The following SNRPF variants were observed in gnomAD, a reference collection of about 807,000 sequenced individuals.
SNRPF encodes small nuclear ribonucleoprotein F.
In SNRPF, 1 loss-of-function variant was observed where a neutral mutation model predicts 13.4. That is an observed-to-expected ratio of 0.07 (90% CI 0.03 to 0.35). SNRPF has a LOEUF of 0.35. Ranked by LOEUF, SNRPF falls within the 10% of genes least tolerant of loss-of-function variation. SNRPF has a pLI of 0.99. For missense variants in SNRPF, 53 were observed against 101.0 expected (o/e 0.52, Z 2.04); for synonymous variants, 27 against 32.1 (o/e 0.84, Z 0.54).
At chr12:95,859,184 G>T in intron 1 of SNRPF, 108 bp downstream of exon 1, 1 of 998,410 alleles carries the variant, frequency 1.0e-6, no homozygotes, top group Non-Finnish European at 1.6e-6. Flanking sequence ...TCCGCGTGAG[G>T]CGCCGCGCAC....
At chr12:95,864,587 C>T (rs1342864622) in intron 2 of SNRPF, among the ~76,000 whole-genome samples, 2 of 152,156 alleles carry the variant, frequency 1.3e-5, no homozygotes, top group African/African-American at 4.8e-5. Context: ...TTGTTTTTCC[C>T]TGTTTATTAG....
At chr12:95,860,852 C>CTTTTTTTT (rs10689270) in intron 1 of SNRPF, among the ~76,000 whole-genome samples, 39 of 96,546 alleles carry the variant, frequency 4.0e-4, no homozygotes, top group Middle Eastern at 6.6e-3. Flanking sequence ...ACCTGGCCCG[C>CTTTTTTTT]TTTTTTTTTT....
Position 95,866,118 on chromosome 12 carries a change from GATTT to G in SNRPF, c.*48_*51del. ...TTTATATATATTTCTAGACAATAAA[GATTT>G]GTTTGTTTTTCAACTTGACTTGTGA... On this transcript the variant is annotated 3_prime_UTR_variant, in exon 4 of 4. Transcript: ENST00000266735. 8.4e-6 allele frequency: 8 copies of G among 950,696 alleles called. No individual in the cohort carries two copies. The highest frequency in any genetic ancestry group is 1.3e-5 in the Non-Finnish European group (8 of 622,360). The allele number at this position is 950,696 out of a possible 1,614,324, so 58.9% of individuals were successfully genotyped here.
At chr12:95,859,224 T>G in intron 1 of SNRPF, 148 bp downstream of exon 1, 2 of 617,856 alleles carry the variant, frequency 3.2e-6, no homozygotes. Flanking sequence ...ACTCTGCTTT[T>G]AGGTTTCTGA....
At chr12:95,864,680 G>C (rs549407680) in intron 2 of SNRPF, among the ~76,000 whole-genome samples, 1 of 152,352 alleles carries the variant, frequency 6.6e-6, no homozygotes, top group South Asian at 2.1e-4. Context: ...CAAGGCAGGA[G>C]GATCACTTGA....
rs1311185860 is a variant in SNRPF at position 95,866,075 on chromosome 12, C to A, written c.*4C>A. 4 of 1,422,658 alleles carry A rather than the reference C, an allele frequency of 2.8e-6. No homozygotes were observed. In the South Asian group the frequency reaches 4.9e-5, roughly 17 times the overall value. The allele number at this position is 1,422,658 out of a possible 1,614,324, so 88.1% of individuals were successfully genotyped here. A position where few individuals can be genotyped will look rare whatever the true frequency, so the allele number is the denominator to read the frequency against. Reference sequence around the variant, plus strand: ...AGATGGGGAAATGAGAGAATAGCATCTTTTGTGGGGGATTTTTTTTATATA... The same window carrying A: ...AGATGGGGAAATGAGAGAATAGCATATTTTGTGGGGGATTTTTTTTATATA... On this transcript the variant is annotated 3_prime_UTR_variant, in exon 4 of 4. Transcript: ENST00000266735.
Position 95,866,075 on chromosome 12 carries a change from C to T in SNRPF, c.*4C>T. On this transcript the variant is annotated 3_prime_UTR_variant, in exon 4 of 4. Transcript: ENST00000266735. ...AGATGGGGAAATGAGAGAATAGCATCTTTTGTGGGGGATTTTTTTTATATA... is the reference window on the plus strand; with the variant it reads ...AGATGGGGAAATGAGAGAATAGCATTTTTTGTGGGGGATTTTTTTTATATA... The T allele has an allele frequency of 1.4e-6, 2 of 1,422,658 alleles. No homozygotes were observed. Among genetic ancestry groups the T allele is most frequent in the African/African-American group, 2.9e-5 (2 of 69,210 alleles). The allele number at this position is 1,422,658 out of a possible 1,614,324, so 88.1% of individuals were successfully genotyped here.
intron 2 of SNRPF, among the ~76,000 whole-genome samples, chr12:95,863,336 T>C (rs535654846): frequency 9.8e-5 from 15 of 152,364 alleles, no homozygotes; most frequent in African/African-American, 3.4e-4. Flanking sequence ...TTGAATATAC[T>C]GAAAACCACT....
intron 1 of SNRPF, 92 bp downstream of exon 1, chr12:95,859,168 C>T (rs2079481191): frequency 8.5e-7 from 1 of 1,177,180 alleles, no homozygotes; most frequent in African/African-American, 1.5e-5. Flanking sequence ...GCGCGTTTCC[C>T]ATTCATCCGC....
chr12:95,860,692 G>C (rs1218087344), intron 1 of SNRPF, among the ~76,000 whole-genome samples: 1 of 151,906 alleles, frequency 6.6e-6, no homozygotes, highest in African/African-American at 2.4e-5. Context: ...CTAGTAGCTG[G>C]GACTACAGGT....
intron 2 of SNRPF, among the ~76,000 whole-genome samples, chr12:95,862,877 T>C (rs1471246137): frequency 1.3e-5 from 2 of 152,228 alleles, no homozygotes; most frequent in Non-Finnish European, 2.9e-5. Context: ...GGTATCTTAT[T>C]GTGGTTTTGA....
In SNRPF at chr12:95,865,344, C is replaced by T. The variant is rs965883301; in HGVS notation, c.150C>T (p.Tyr50=). The T allele has an allele frequency of 1.3e-6, 2 of 1,560,132 alleles. No homozygotes were observed. Among genetic ancestry groups the T allele is most frequent in the African/African-American group, 2.7e-5 (2 of 73,874 alleles). The part of the protein sequence containing the change: ...MNMQLANTEE[Y]IDGALSGHLG... Reference sequence around the variant, plus strand: ...GAAAGCTTGCAAATACAGAAGAATACATAGATGGAGCTTTGTCTGGACATC... The same window carrying T: ...GAAAGCTTGCAAATACAGAAGAATATATAGATGGAGCTTTGTCTGGACATC... The change falls in exon 3 of 4, where the codon TAC becomes TAT. Residue 50 remains tyrosine, a synonymous_variant. Transcript: ENST00000266735.
Position 95,859,031 on chromosome 12 carries a change from C to T in SNRPF, c.-43C>T. 6.2e-7 allele frequency: 1 copy of T among 1,610,830 alleles called. No individual in the cohort carries two copies. Among genetic ancestry groups the T allele is most frequent in the Non-Finnish European group, 8.5e-7 (1 of 1,179,156 alleles). On this transcript the variant is annotated 5_prime_UTR_variant, in exon 1 of 4. Transcript: ENST00000266735. ...GTAGTCACGAGGGACGGGCGGCGGC[C>T]TGGTCGGCAGAGAGTAGCCTGCAAC...
At chr12:95,859,426 G>A (rs991130635) in intron 1 of SNRPF, among the ~76,000 whole-genome samples, 8 of 152,310 alleles carry the variant, frequency 5.3e-5, no homozygotes, top group African/African-American at 9.6e-5. Flanking sequence ...ATACGGCCAT[G>A]CTCTAGATTA....
chr12:95,860,810 A>C lies in SNRPF; in HGVS notation c.4-358A>C, dbSNP rs559060369. On this transcript the variant is annotated intron_variant, in intron 1 of 3. Coordinates refer to ENST00000266735, the MANE Select transcript of SNRPF (RefSeq NM_003095.5). ...AGTGATCCCCCGGCCTTGGCCTTCC[A>C]GATTACTGGAATTACAGATACGAGC... 2.6e-4 allele frequency among the ~76,000 whole-genome samples: 38 copies of C among 147,146 alleles called. No homozygotes were observed. The Middle Eastern group carries it at 0.011, about 43-fold the overall frequency.
At chr12:95,865,057 A>T (rs1389463871) in intron 2 of SNRPF, 1 of 258,582 alleles carries the variant, frequency 3.9e-6, no homozygotes, top group Non-Finnish European at 7.3e-6. Context: ...CTGTTTTAAT[A>T]TCTAATAGAA....
chr12:95,863,773 A>G (rs1223531071), intron 2 of SNRPF, among the ~76,000 whole-genome samples: 1 of 152,226 alleles, frequency 6.6e-6, no homozygotes, highest in East Asian at 1.9e-4. Flanking sequence ...GAATTAGTGT[A>G]CAACTCAGTT....
chr12:95,865,482 T>G, intron 3 of SNRPF, 94 bp downstream of exon 3: 1 of 594,992 alleles, frequency 1.7e-6, no homozygotes, highest in Non-Finnish European at 3.0e-6. Context: ...GGAATTACTT[T>G]TTTTTAAAAA....
At chr12:95,863,338 A>G (rs1172989834) in intron 2 of SNRPF, among the ~76,000 whole-genome samples, 2 of 152,236 alleles carry the variant, frequency 1.3e-5, no homozygotes, top group South Asian at 2.1e-4. Context: ...GAATATACTG[A>G]AAACCACTGA....
Sources: allele counts gnomAD v4.1 joint callset (sites outside exome capture counted in the v4.1 genomes callset), GRCh38; gene constraint gnomAD v4.1.1; transcripts MANE v1.5; gene names NCBI Gene and HGNC (gene_info 2026-07-23, HGNC 2026-07-21).